Variants in CRMP1 observed in about 807,000 individuals in gnomAD.
The protein encoded by CRMP1 is dihydropyrimidinase-related protein 1.
In CRMP1, 19 loss-of-function variants were observed where a neutral mutation model predicts 68.3. The observed-to-expected ratio is 0.28, with a 90% confidence interval of 0.19 to 0.41. CRMP1 has a LOEUF of 0.41. CRMP1 is among the 10% of genes least tolerant of loss of function. CRMP1 has a pLI of 1.00. For missense variants in CRMP1, 791 were observed against 967.4 expected, an observed-to-expected ratio of 0.82 and a Z score of 2.42; for synonymous variants, 439 against 399.6, an observed-to-expected ratio of 1.10 and a Z score of -1.18.
chr4:5,854,925 T>C lies in CRMP1; in HGVS notation c.820+1218A>G, dbSNP rs1712937046. On this transcript the variant is annotated intron_variant, in intron 4 of 13. Coordinates refer to ENST00000324989, the MANE Select transcript of CRMP1 (RefSeq NM_001014809.3). This position sits in a 1 kb window ranked among gnomAD's most constrained non-coding sequence, Gnocchi z 4.0. ...AAGAAAAATTAGAAATGCAAACAAA[T>C]GTTTATATACAAAGATGTTCACCGT... 6.6e-6 allele frequency among the ~76,000 whole-genome samples: 1 copy of C among 152,168 alleles called. No homozygotes were observed. Among genetic ancestry groups the C allele is most frequent in the African/African-American group, 2.4e-5 (1 of 41,448 alleles).
At chr4:5,867,949 C>T (rs915360043) in intron 1 of CRMP1, among the ~76,000 whole-genome samples, 5 of 151,844 alleles carry the variant, frequency 3.3e-5, no homozygotes, top group African/African-American at 4.8e-5. Context: ...AGTATGTCTA[C>T]GTAAACATTC....
chr4:5,833,159 C>T lies in CRMP1; in HGVS notation c.1623+2756G>A, dbSNP rs903344447. On this transcript the variant is annotated intron_variant, in intron 11 of 13. Transcript: ENST00000324989. ...TGGTTTCAACTTCTACCTTCCAGAA[C>T]TTTTTTTTTTTTTTTTTTTTTTTTT... Among the ~76,000 whole-genome samples, 30 of 84,638 alleles carry T rather than the reference C, an allele frequency of 3.5e-4. 1 individual carries two copies. In the South Asian group the frequency reaches 5.2e-3, roughly 15 times the overall value. 55.5% of individuals were successfully genotyped at this position (84,638 alleles called of 152,430 possible).
At chr4:5,837,546 T>G (rs924601864) in intron 9 of CRMP1, among the ~76,000 whole-genome samples, 1 of 151,270 alleles carries the variant, frequency 6.6e-6, no homozygotes, top group African/African-American at 2.4e-5. Context: ...GAGAATTGCT[T>G]GAACCCAGGA....
rs1433558124 is a variant in CRMP1, at chr4:5,879,651, TTAACATTCTATGCCAAATGCTC to T, written c.381+12916_382-12896del. Reference sequence around the variant, plus strand: ...TACACTGAACACTGTCCTATGAAGTTTAACATTCTATGCCAAATGCTCTAACATTCTATGCCAAATGTTCATG... The same window carrying T: ...TACACTGAACACTGTCCTATGAAGTTTAACATTCTATGCCAAATGTTCATG... On this transcript the variant is annotated intron_variant, in intron 1 of 13. Transcript: ENST00000324989. The surrounding 1 kb of genome is among the most constrained non-coding windows in gnomAD (Gnocchi z 4.2). 6.6e-6 allele frequency among the ~76,000 whole-genome samples: 1 copy of T among 152,228 alleles called. No individual in the cohort carries two copies. Among genetic ancestry groups the T allele is most frequent in the Non-Finnish European group, 1.5e-5 (1 of 68,046 alleles).
rs1714513373 is a variant in CRMP1 at position 5,872,302 on chromosome 4, T to A, written c.382-5546A>T. Reference sequence around the variant, plus strand: ...AAATTCACATATTTATAAAAAAAAATAATACCGGTGCCGTCTATTGCCTCT... The same window carrying A: ...AAATTCACATATTTATAAAAAAAAAAAATACCGGTGCCGTCTATTGCCTCT... On this transcript the variant is annotated intron_variant, in intron 1 of 13. Transcript: ENST00000324989. This position sits in a 1 kb window ranked among gnomAD's most constrained non-coding sequence, Gnocchi z 4.6. 6.6e-6 allele frequency among the ~76,000 whole-genome samples: 1 copy of A among 151,838 alleles called. No homozygotes were observed. Among genetic ancestry groups the A allele is most frequent in the Admixed American group, 6.6e-5 (1 of 15,260 alleles).
At chr4:5,863,838 G>A (rs1441472973) in intron 2 of CRMP1, among the ~76,000 whole-genome samples, 3 of 152,156 alleles carry the variant, frequency 2.0e-5, no homozygotes, top group East Asian at 3.9e-4. Context: ...TACCCGAGGT[G>A]GTCCCCGGCT....
At chr4:5,886,445 G>A (rs759965347) in intron 1 of CRMP1, among the ~76,000 whole-genome samples, 41 of 152,340 alleles carry the variant, frequency 2.7e-4, no homozygotes, top group Non-Finnish European at 5.6e-4. Context: ...GTTCAGAGAG[G>A]CATCAGACAC....
At chr4:5,856,513 C>T (rs1259173360) in intron 3 of CRMP1, among the ~76,000 whole-genome samples, 1 of 151,652 alleles carries the variant, frequency 6.6e-6, no homozygotes, top group African/African-American at 2.4e-5. Flanking sequence ...CAACCCATCA[C>T]CATGACCATC....
intron 6 of CRMP1, among the ~76,000 whole-genome samples, chr4:5,846,905 G>A (rs1045625504): frequency 4.0e-5 from 6 of 151,362 alleles, no homozygotes; most frequent in Non-Finnish European, 8.8e-5. Context: ...ATGAGCCACC[G>A]TGCCTGGCTG....
intron 8 of CRMP1, among the ~76,000 whole-genome samples, chr4:5,840,052 T>G (rs1186634809): frequency 3.9e-5 from 6 of 152,210 alleles, no homozygotes. Context: ...ATCTTAGGAA[T>G]CTAGTTCAAG....
chr4:5,887,830 G>A (rs1223757512), intron 1 of CRMP1: 2 of 998,636 alleles, frequency 2.0e-6, no homozygotes, highest in East Asian at 1.0e-4. Context: ...GACGGTGCGG[G>A]GGCCGAGCCA....
intron 5 of CRMP1, among the ~76,000 whole-genome samples, chr4:5,851,063 A>G (rs1257824814): frequency 6.6e-6 from 1 of 152,208 alleles, no homozygotes; most frequent in Non-Finnish European, 1.5e-5. Context: ...GATCAAACGC[A>G]GAGCTTTCGG....
At chr4:5,828,292 C>A (rs1206873241) in intron 12 of CRMP1, 197 bp downstream of exon 12, 11 of 985,038 alleles carry the variant, frequency 1.1e-5, no homozygotes, top group Non-Finnish European at 1.1e-5. Flanking sequence ...CTGGAACTTG[C>A]ATGTCCTCAT....
chr4:5,833,065 G>A (rs1720486200), intron 11 of CRMP1, among the ~76,000 whole-genome samples: 1 of 152,128 alleles, frequency 6.6e-6, no homozygotes, highest in Non-Finnish European at 1.5e-5. Context: ...GACGTCAGAC[G>A]CTAGAAGAGT....
intron 2 of CRMP1, among the ~76,000 whole-genome samples, chr4:5,862,377 C>A (rs1270146845): frequency 6.6e-6 from 1 of 152,170 alleles, no homozygotes; most frequent in East Asian, 1.9e-4. Context: ...ATGTCCACCA[C>A]CACTACTAAT....
Position 5,850,197 on chromosome 4 carries a change from G to A in CRMP1, c.883-725C>T, listed in dbSNP as rs979265436. ...CATGCATGCAAGACAACATCCCCTC[G>A]GATGTCTGCTTTCCGACAGACATCC... On this transcript the variant is annotated intron_variant, in intron 5 of 13. Coordinates refer to ENST00000324989, the MANE Select transcript of CRMP1 (RefSeq NM_001014809.3). This position sits in a 1 kb window ranked among gnomAD's most constrained non-coding sequence, Gnocchi z 4.4. 7.2e-5 allele frequency among the ~76,000 whole-genome samples: 11 copies of A among 152,128 alleles called. No homozygotes were observed. The highest frequency in any genetic ancestry group is 3.9e-4 in the East Asian group (2 of 5,170).
chr4:5,825,731 G>C lies in CRMP1; in HGVS notation c.1804-72C>G. ...TGCCCTTCTGGGCAGATAAAGCAGA[G>C]CCCTGCGGGCGAGAGAGAAACCTGA... On this transcript the variant is annotated intron_variant, in intron 12 of 13. Transcript: ENST00000324989. The surrounding 1 kb of genome is among the most constrained non-coding windows in gnomAD (Gnocchi z 4.4). 4 of 1,523,386 alleles carry C rather than the reference G, an allele frequency of 2.6e-6. No homozygotes were observed. Among genetic ancestry groups the C allele is most frequent in the African/African-American group, 2.8e-5 (2 of 71,500 alleles). The allele number at this position is 1,523,386 out of a possible 1,614,324, so 94.4% of individuals were successfully genotyped here.
chr4:5,830,885 A>G (rs1229656115), intron 11 of CRMP1, among the ~76,000 whole-genome samples: 1 of 152,188 alleles, frequency 6.6e-6, no homozygotes, highest in East Asian at 1.9e-4. Context: ...GAAAGAATTG[A>G]TATGTTCACT....
Position 5,834,025 on chromosome 4 carries a change from A to G in CRMP1, c.1623+1890T>C, listed in dbSNP as rs1164428175. ...TGCGCCACTGCACTCCAGCCTGGGC[A>G]ACAGAGCAAGACTCCATCTCAACAA... On this transcript the variant is annotated intron_variant, in intron 11 of 13. Coordinates refer to ENST00000324989, the MANE Select transcript of CRMP1 (RefSeq NM_001014809.3). This position sits in a 1 kb window ranked among gnomAD's most constrained non-coding sequence, Gnocchi z 4.3. Among the ~76,000 whole-genome samples the G allele has an allele frequency of 2.0e-5, 3 of 152,180 alleles. No homozygotes were observed. The East Asian group carries it at 5.8e-4, about 29-fold the overall frequency.
Sources: gnomAD v4.1 joint callset for allele counts (sites outside exome capture counted in the v4.1 genomes callset) on GRCh38, gnomAD v4.1.1 for gene constraint, Gnocchi (gnomAD v3.1) non-coding constraint, MANE v1.5 for transcripts, NCBI Gene and HGNC (gene_info 2026-07-23, HGNC 2026-07-21) for gene names.